Variants in TTF1 observed in about 807,000 individuals in gnomAD.
The protein encoded by TTF1 is transcription termination factor, RNA polymerase I.
TTF1 carries 64 observed loss-of-function variants against 80.2 expected under a neutral mutation model. That is an observed-to-expected ratio of 0.80 (90% CI 0.65 to 0.98). TTF1 has a LOEUF of 0.98. Ranked by LOEUF, TTF1 falls within the 50% of genes least tolerant of loss-of-function variation. The pLI is 0.00. For synonymous variants in TTF1, 372 were observed against 382.7 expected, an observed-to-expected ratio of 0.97 and a Z score of 0.33; for missense variants, 1,023 against 1,086.2, an observed-to-expected ratio of 0.94 and a Z score of 0.82.
In TTF1 at chr9:132,390,840, A is replaced by G; in HGVS notation, c.1988-9T>C. The G allele has an allele frequency of 6.2e-7, 1 of 1,611,648 alleles. No individual in the cohort carries two copies. The highest frequency in any genetic ancestry group is 2.2e-5 in the East Asian group (1 of 44,876). The stretch of plus-strand genomic sequence containing the variant: ...AGCACCACGATTTCTTTCTGTAGAT[A>G]TAAAAAGATGGTCTTATAGTAGCTA... On this transcript the variant is annotated splice_polypyrimidine_tract_variant and intron_variant, in intron 6 of 10. Transcript: ENST00000334270.
At chr9:132,388,074 G>A (rs1849500725) in intron 8 of TTF1, 65 bp downstream of exon 8, 1 of 1,329,790 alleles carries the variant, frequency 7.5e-7, no homozygotes, top group Non-Finnish European at 1.1e-6. Context: ...ACTCTGCTGG[G>A]TTAACAACTT....
chr9:132,387,056 C>T (rs1191853506), intron 8 of TTF1, among the ~76,000 whole-genome samples: 2 of 152,178 alleles, frequency 1.3e-5, no homozygotes, highest in Non-Finnish European at 2.9e-5. Flanking sequence ...CACCTGGACT[C>T]AGGCAACTCT....
At chr9:132,376,733 C>G (rs184123568) in intron 10 of TTF1, among the ~76,000 whole-genome samples, 86 of 150,908 alleles carry the variant, frequency 5.7e-4, no homozygotes, top group Admixed American at 1.1e-3. Context: ...TGCGATCACA[C>G]TCACTGAAGC....
rs879564960 is a variant in TTF1, at chr9:132,402,265, G to A, written c.557C>T (p.Thr186Ile). Residue 186 changes from threonine (T) to isoleucine (I), a missense_variant, in exon 2 of 11, where the codon ACC (threonine) becomes ATC (isoleucine). Thr to Ile is a moderately conservative substitution (Grantham distance 89). Transcript: ENST00000334270. ...CTGGTGGGATTCTGACTGAGGCAGG[G>A]TGTCCCTTGCCCGCTGGCTCTCCCA... ...ASWESQRARDTLPQSESHQEE... is the reference protein window; with the variant it reads ...ASWESQRARDILPQSESHQEE... 2 of 1,613,990 alleles carry A rather than the reference G, an allele frequency of 1.2e-6. No homozygotes were observed. The highest frequency in any genetic ancestry group is 1.7e-6 in the Non-Finnish European group (2 of 1,180,018).
At chr9:132,395,395 C>T (rs1273606786) in intron 5 of TTF1, among the ~76,000 whole-genome samples, 1 of 152,060 alleles carries the variant, frequency 6.6e-6, no homozygotes, top group African/African-American at 2.4e-5. Flanking sequence ...CTAAAAATTA[C>T]TCTAAAAATT....
rs146548922 is a variant in TTF1, at chr9:132,401,613, A to G, written c.1209T>C (p.Ser403=). The stretch of plus-strand genomic sequence containing the variant: ...TACTGGGCACTGAAAAATCATCACC[A>G]GACACTCGTGCCCTTTTGACAGACG... ...KLTSVKRARV[S]GDDFSVPSKN... is the part of the protein sequence containing the mutation. The change falls in exon 2 of 11, where the codon TCT becomes TCC. Residue 403 remains serine, a synonymous_variant. Transcript: ENST00000334270. 0.022 allele frequency: 34,917 copies of G among 1,614,138 alleles called. 443 individuals carry two copies. Among genetic ancestry groups the G allele is most frequent in the Non-Finnish European group, 0.026 (31,051 of 1,180,022 alleles).
rs748310514 is a variant in TTF1 at position 132,396,422 on chromosome 9, T to C, written c.1856+11A>G. The stretch of plus-strand genomic sequence containing the variant: ...AAATGTTGTCTCAAGCTGCTAAGAC[T>C]TTTTTCTTACCTGCCTTTGTAATTG... On this transcript the variant is annotated intron_variant, in intron 5 of 10. Coordinates refer to ENST00000334270, the MANE Select transcript of TTF1 (RefSeq NM_007344.4). 3 of 1,613,822 alleles carry C rather than the reference T, an allele frequency of 1.9e-6. No individual in the cohort carries two copies. Among genetic ancestry groups the C allele is most frequent in the Non-Finnish European group, 2.5e-6 (3 of 1,179,682 alleles).
At chr9:132,376,447 G>A (rs1451808314) in intron 10 of TTF1, among the ~76,000 whole-genome samples, 9 of 152,228 alleles carry the variant, frequency 5.9e-5, no homozygotes, top group East Asian at 3.9e-4. Flanking sequence ...ATTCAAACTC[G>A]GGTAGTGATG....
chr9:132,398,009 C>G (rs2131644534), intron 4 of TTF1, 132 bp downstream of exon 4: 3 of 617,820 alleles, frequency 4.9e-6, no homozygotes, highest in African/African-American at 1.9e-5. Context: ...AGAATATCAT[C>G]AGCCATCACA....
chr9:132,393,987 T>C (rs1309780049), intron 5 of TTF1, among the ~76,000 whole-genome samples: 4 of 151,832 alleles, frequency 2.6e-5, no homozygotes, highest in African/African-American at 4.8e-5. Flanking sequence ...AGTGGCATGA[T>C]CATGGCTCAC....
chr9:132,383,192 G>A (rs1849401286), intron 9 of TTF1, among the ~76,000 whole-genome samples: 1 of 150,828 alleles, frequency 6.6e-6, no homozygotes, highest in Non-Finnish European at 1.5e-5. Flanking sequence ...AGGGTGCAGT[G>A]AGCTGAGATC....
intron 9 of TTF1, among the ~76,000 whole-genome samples, chr9:132,380,220 C>T (rs190180661): frequency 7.9e-5 from 12 of 152,196 alleles, no homozygotes; most frequent in Admixed American, 7.9e-4. Context: ...CAGGTGCCCA[C>T]CACCACGCCC....
In TTF1 at chr9:132,392,336, C is replaced by T. The variant is rs139139162; in HGVS notation, c.1857-130G>A. 2.8e-4 allele frequency: 298 copies of T among 1,058,864 alleles called. 3 individuals are homozygous for T. In the African/African-American group the frequency reaches 4.2e-3, roughly 15 times the overall value. The allele number at this position is 1,058,864 out of a possible 1,614,324, so 65.6% of individuals were successfully genotyped here. A position where few individuals can be genotyped will look rare whatever the true frequency, so the allele number is the denominator to read the frequency against. On this transcript the variant is annotated intron_variant, in intron 5 of 10. Coordinates refer to ENST00000334270, the MANE Select transcript of TTF1 (RefSeq NM_007344.4). ...GGCTGTCAGGGAACCCGGTCACAGC[C>T]CTCTTCACTTCCTGTTGGCGTCTCA... is the stretch of plus-strand genomic sequence containing the variant.
chr9:132,388,045 C>G, intron 8 of TTF1, 94 bp downstream of exon 8: 1 of 934,190 alleles, frequency 1.1e-6, no homozygotes, highest in East Asian at 2.5e-5. Flanking sequence ...GGATTTGGAC[C>G]TTGGCAATCT....
rs148256256 is a variant in TTF1 at position 132,400,231 on chromosome 9, A to G, written c.1395T>C (p.Asn465=). The G allele has an allele frequency of 6.2e-7, 1 of 1,614,160 alleles. No individual in the cohort carries two copies. Among genetic ancestry groups the G allele is most frequent in the Non-Finnish European group, 8.5e-7 (1 of 1,180,020 alleles). The change falls in exon 3 of 11, where the codon AAT becomes AAC. Residue 465 remains asparagine (N), a synonymous_variant. Coordinates refer to ENST00000334270, the MANE Select transcript of TTF1 (RefSeq NM_007344.4). ...TTTCGGAATCTTCAGCTGTTTCCACATTGTGTTCTTCATTTGCAGGTTCTA... is the reference window on the plus strand; with the variant it reads ...TTTCGGAATCTTCAGCTGTTTCCACGTTGTGTTCTTCATTTGCAGGTTCTA... ...PRLEPANEEH[N]VETAEDSEIR...
In TTF1 at chr9:132,402,147, CTT is replaced by C. The variant is rs759520152; in HGVS notation, c.673_674del (p.Lys225ValfsTer3). 3 of 1,614,020 alleles carry C rather than the reference CTT, an allele frequency of 1.9e-6. No homozygotes were observed. Among genetic ancestry groups the C allele is most frequent in the Non-Finnish European group, 2.5e-6 (3 of 1,180,012 alleles). On this transcript the variant is annotated frameshift_variant, in exon 2 of 11. Coordinates refer to ENST00000334270, the MANE Select transcript of TTF1 (RefSeq NM_007344.4). LOFTEE classifies it high-confidence loss of function. The part of the protein sequence containing the change: ...HKNKSKKKKK[K>X]SSNREYETLA... Reference sequence around the variant, plus strand: ...GTGTCTCATATTCCCGGTTACTGGACTTTTTCTTTTTTTTCTTAGACTTGTTT... The same window carrying C: ...GTGTCTCATATTCCCGGTTACTGGACTTTCTTTTTTTTCTTAGACTTGTTT...
At chr9:132,390,322 TTA>T (rs1440671319) in intron 7 of TTF1, among the ~76,000 whole-genome samples, 2 of 152,242 alleles carry the variant, frequency 1.3e-5, no homozygotes, top group Non-Finnish European at 2.9e-5. Flanking sequence ...CCTTGTTTTA[TTA>T]AAGACTTAGA....
chr9:132,396,486 T>C lies in TTF1; in HGVS notation c.1803A>G (p.Lys601=). The C allele has an allele frequency of 6.2e-7, 1 of 1,614,176 alleles. No homozygotes were observed. The highest frequency in any genetic ancestry group is 8.5e-7 in the Non-Finnish European group (1 of 1,180,024). Residue 601 remains lysine, a synonymous_variant, in exon 5 of 11, where the codon AAA becomes AAG. Coordinates refer to ENST00000334270, the MANE Select transcript of TTF1 (RefSeq NM_007344.4). The stretch of plus-strand genomic sequence containing the variant: ...TCTTCTTTGCTCGATAGTATATAAG[T>C]TTCCAGGGCCGGGCAATGTTCCTAC... The part of the protein sequence containing the change: ...HIGRNIARPW[K]LIYYRAKKMF...
At chr9:132,377,962 G>GC (rs1849260287) in intron 10 of TTF1, among the ~76,000 whole-genome samples, 2 of 128,442 alleles carry the variant, frequency 1.6e-5, no homozygotes, top group Admixed American at 8.2e-5. Context: ...GAGTGCATGT[G>GC]GTGTGTGTGA....
Sources: allele counts gnomAD v4.1 joint callset (sites outside exome capture counted in the v4.1 genomes callset), GRCh38; gene constraint gnomAD v4.1.1; transcripts MANE v1.5; gene names NCBI Gene and HGNC (gene_info 2026-07-23, HGNC 2026-07-21).